The following WAC variants were observed in gnomAD, a reference collection of about 807,000 sequenced individuals.
WAC encodes the protein WW domain containing adaptor with coiled-coil.
WAC carries 11 observed loss-of-function variants against 79.6 expected under a neutral mutation model. That is an observed-to-expected ratio of 0.14 (90% confidence interval 0.09 to 0.23). WAC has a LOEUF of 0.23. Among genes scored for constraint, WAC ranks in the 10% least tolerant of loss-of-function variants. WAC has a pLI of 1.00. For missense variants in WAC, 728 were observed against 773.5 expected (o/e 0.94, Z 0.70); for synonymous variants, 304 against 276.9 (o/e 1.10, Z -0.97).
chr10:28,566,599 C>A (rs929662926), intron 3 of WAC, among the ~76,000 whole-genome samples: 3 of 152,152 alleles, frequency 2.0e-5, no homozygotes, highest in African/African-American at 7.2e-5. Flanking sequence ...CTTCCTATTG[C>A]TTTTACTCAT....
At chr10:28,576,740 C>T (rs1839264990) in intron 3 of WAC, among the ~76,000 whole-genome samples, 1 of 152,138 alleles carries the variant, frequency 6.6e-6, no homozygotes, top group African/African-American at 2.4e-5. Flanking sequence ...ATCCCTGGCC[C>T]CCTTTCACTA....
chr10:28,583,544 A>T (rs745681071), intron 4 of WAC, 39 bp downstream of exon 4: 16 of 1,177,772 alleles, frequency 1.4e-5, no homozygotes, highest in African/African-American at 1.0e-4. Flanking sequence ...TTTCTTTGGA[A>T]TTTTTTGCAA....
chr10:28,545,213 C>T (rs941440056), intron 3 of WAC, among the ~76,000 whole-genome samples: 6 of 152,070 alleles, frequency 3.9e-5, no homozygotes, highest in East Asian at 1.9e-4. Context: ...ATTTTTAGGC[C>T]GGGCACAGTG....
chr10:28,621,092 GA>G lies in WAC; in HGVS notation c.*1493del, dbSNP rs1288476726. The G allele has an allele frequency of 6.6e-6, 1 of 150,472 alleles. No homozygotes were observed. Among genetic ancestry groups the G allele is most frequent in the Admixed American group, 6.6e-5 (1 of 15,160 alleles). 9.3% of individuals were successfully genotyped at this position (150,472 alleles called of 1,614,324 possible). ...TATCAAATCACAAGGGTTTCCGCAT[GA>G]AAAAAATCTTTTCTTCCCCCACAAA... On this transcript the variant is annotated 3_prime_UTR_variant, in exon 14 of 14. Transcript: ENST00000354911.
At chr10:28,595,629 T>C in intron 6 of WAC, 104 bp from the exon 7 acceptor site, 2 of 1,120,902 alleles carry the variant, frequency 1.8e-6, no homozygotes, top group Non-Finnish European at 2.5e-6. Flanking sequence ...TAAGTACAAG[T>C]ATGTTGCTAA....
rs757514321 is a variant in WAC at position 28,620,608 on chromosome 10, C to T, written c.*1002C>T. On this transcript the variant is annotated 3_prime_UTR_variant, in exon 14 of 14. Coordinates refer to ENST00000354911, the MANE Select transcript of WAC (RefSeq NM_016628.5). The stretch of plus-strand genomic sequence containing the variant: ...TTTGAACTACCTGGGGATTCTTTAT[C>T]AGAACTGTTCTTGTTGAATATTTAT... 1.3e-5 allele frequency: 2 copies of T among 152,432 alleles called. No homozygotes were observed. The highest frequency in any genetic ancestry group is 2.4e-5 in the African/African-American group (1 of 41,434). 9.4% of individuals were successfully genotyped at this position (152,432 alleles called of 1,614,324 possible). A position where few individuals can be genotyped will look rare whatever the true frequency, so the allele number is the denominator to read the frequency against.
rs143772149 is a variant in WAC at position 28,541,415 on chromosome 10, G to GTTTTTTTTTTTT, written c.274+5662_274+5663insTTTTTTTTTTTT. ...TTTTTGTGGGGTTGTGTGTGTGTGTGTTTTGTTTTTTTTTTTTTTTTTTTT... is the reference window on the plus strand; with the variant it reads ...TTTTTGTGGGGTTGTGTGTGTGTGTGTTTTTTTTTTTTTTTTGTTTTTTTTTTTTTTTTTTTT... On this transcript the variant is annotated intron_variant, in intron 3 of 13. Transcript: ENST00000354911. Among the ~76,000 whole-genome samples, 17 of 37,888 alleles carry GTTTTTTTTTTTT rather than the reference G, an allele frequency of 4.5e-4. 2 individuals are homozygous for GTTTTTTTTTTTT. The highest frequency in any genetic ancestry group is 4.2e-4 in the Non-Finnish European group (10 of 23,612). The allele number at this position is 37,888 out of a possible 152,430, so 24.9% of individuals were successfully genotyped here.
At chr10:28,557,014 C>G (rs1039086171) in intron 3 of WAC, among the ~76,000 whole-genome samples, 6 of 151,008 alleles carry the variant, frequency 4.0e-5, no homozygotes, top group Non-Finnish European at 8.8e-5. Context: ...TGTTCTTTCT[C>G]AAAATGCTTA....
At chr10:28,549,074 T>G (rs1176910362) in intron 3 of WAC, among the ~76,000 whole-genome samples, 2 of 152,190 alleles carry the variant, frequency 1.3e-5, no homozygotes, top group African/African-American at 4.8e-5. Flanking sequence ...AATTTTTGCA[T>G]TTTTTATAGA....
Position 28,595,854 on chromosome 10 carries a change from G to A in WAC, c.732G>A (p.Thr244=), listed in dbSNP as rs755861448. 3 of 1,614,032 alleles carry A rather than the reference G, an allele frequency of 1.9e-6. No homozygotes were observed. The highest frequency in any genetic ancestry group is 2.5e-6 in the Non-Finnish European group (3 of 1,179,988). ...LPRAETHSSS[T]PVQHPIKPVV... ...GAGCAGAGACTCACAGTAGTTCTAC[G>A]CCAGTACAGCACCCCATCAAACCAG... Residue 244 remains threonine, a synonymous_variant, in exon 7 of 14, where the codon ACG becomes ACA. Transcript: ENST00000354911.
At chr10:28,573,645 T>C (rs1839093180) in intron 3 of WAC, among the ~76,000 whole-genome samples, 1 of 152,218 alleles carries the variant, frequency 6.6e-6, no homozygotes, top group African/African-American at 2.4e-5. Context: ...AAGGACTGTG[T>C]CTAAGCTAGA....
At chr10:28,587,262 T>C (rs1350838422) in intron 4 of WAC, among the ~76,000 whole-genome samples, 7 of 152,242 alleles carry the variant, frequency 4.6e-5, no homozygotes, top group Admixed American at 3.9e-4. Flanking sequence ...AAAATAGACA[T>C]TGAACATCTT....
At chr10:28,596,826 A>AG (rs1193146717) in intron 7 of WAC, among the ~76,000 whole-genome samples, 1 of 152,184 alleles carries the variant, frequency 6.6e-6, no homozygotes, top group East Asian at 1.9e-4. Flanking sequence ...CTGTGGGTTT[A>AG]GGAGAGGCTT....
intron 7 of WAC, among the ~76,000 whole-genome samples, chr10:28,602,505 C>CA (rs1840692978): frequency 6.6e-6 from 1 of 152,114 alleles, no homozygotes; most frequent in Non-Finnish European, 1.5e-5. Context: ...ACCACTATTA[C>CA]AAAATAGATA....
intron 7 of WAC, among the ~76,000 whole-genome samples, chr10:28,604,804 A>C (rs980028513): frequency 1.3e-5 from 2 of 152,218 alleles, no homozygotes; most frequent in Admixed American, 1.3e-4. Flanking sequence ...GTTATGTAAT[A>C]GAAGATACTG....
chr10:28,536,448 A>G (rs955414578), intron 3 of WAC, among the ~76,000 whole-genome samples: 1 of 152,180 alleles, frequency 6.6e-6, no homozygotes, highest in Non-Finnish European at 1.5e-5. Flanking sequence ...TCTGTTTTCT[A>G]ATTACAATGA....
intron 3 of WAC, among the ~76,000 whole-genome samples, chr10:28,545,040 CAAA>C (rs71391049): frequency 0.37 from 42,762 of 114,760 alleles, 6,993 homozygotes; most frequent in East Asian, 0.52. Context: ...GACTCTGTCT[CAAA>C]AAAAAAAAAA....
At chr10:28,547,352 T>G (rs1284236574) in intron 3 of WAC, among the ~76,000 whole-genome samples, 1 of 152,064 alleles carries the variant, frequency 6.6e-6, no homozygotes, top group East Asian at 1.9e-4. Context: ...CTGGCCAACA[T>G]GGTGAAACCC....
intron 3 of WAC, among the ~76,000 whole-genome samples, chr10:28,576,291 T>C (rs1219017009): frequency 1.3e-5 from 2 of 152,200 alleles, no homozygotes; most frequent in Non-Finnish European, 2.9e-5. Flanking sequence ...TGTAGCCATA[T>C]ATATATATTT....
Sources: allele counts gnomAD v4.1 joint callset (sites outside exome capture counted in the v4.1 genomes callset), GRCh38; gene constraint gnomAD v4.1.1; transcripts MANE v1.5; gene names NCBI Gene and HGNC (gene_info 2026-07-23, HGNC 2026-07-21).